Variants in PLCB1 observed in about 807,000 individuals in gnomAD.
PLCB1 encodes the protein 1-phosphatidylinositol 4,5-bisphosphate phosphodiesterase beta-1.
In PLCB1, 46 loss-of-function variants were observed where a neutral mutation model predicts 161.8. The observed-to-expected ratio is 0.28, with a 90% confidence interval of 0.22 to 0.36. The LOEUF (loss-of-function observed/expected upper bound fraction) is 0.36. Among genes scored for constraint, PLCB1 ranks in the 10% least tolerant of loss-of-function variants. PLCB1 has a pLI of 1.00. For synonymous variants in PLCB1, 517 were observed against 503.7 expected, an observed-to-expected ratio of 1.03 and a Z score of -0.35; for missense variants, 1,016 against 1,472.5, an observed-to-expected ratio of 0.69 and a Z score of 5.07.
At chr20:8,843,601 A>G (rs1265865767) in intron 31 of PLCB1, among the ~76,000 whole-genome samples, 1 of 152,052 alleles carries the variant, frequency 6.6e-6, no homozygotes, top group East Asian at 1.9e-4. Flanking sequence ...ACATGTGTTC[A>G]TCATAAATGA....
chr20:8,645,523 G>C (rs1037435077), intron 4 of PLCB1, among the ~76,000 whole-genome samples: 1 of 152,120 alleles, frequency 6.6e-6, no homozygotes. Flanking sequence ...TGGAAGCCTA[G>C]TGAGATCATT....
chr20:8,718,513 C>T lies in PLCB1; in HGVS notation c.1513+665C>T, dbSNP rs376607214. ...CACATTCGTTGGCTTGGGGCTCCTT[C>T]CAGCTTCAAAGCCAGCAAGGCTGCA... On this transcript the variant is annotated intron_variant, in intron 14 of 31. Transcript: ENST00000338037. 4.1e-4 allele frequency among the ~76,000 whole-genome samples: 62 copies of T among 152,320 alleles called. 1 individual carries two copies. The East Asian group carries it at 7.9e-3, about 19-fold the overall frequency.
chr20:8,512,215 T>A (rs141076127), intron 3 of PLCB1, among the ~76,000 whole-genome samples: 1,578 of 152,336 alleles, frequency 0.01, 7 homozygotes, highest in Non-Finnish European at 0.015. Context: ...TCACTTTTAG[T>A]ACGTTCTGAT....
chr20:8,832,682 C>G (rs951909804), intron 31 of PLCB1, among the ~76,000 whole-genome samples: 1 of 152,192 alleles, frequency 6.6e-6, no homozygotes, highest in Non-Finnish European at 1.5e-5. Flanking sequence ...GAATCAGAAT[C>G]GAAAGCCTGG....
chr20:8,365,356 C>G (rs920812404), intron 2 of PLCB1, among the ~76,000 whole-genome samples: 1 of 152,192 alleles, frequency 6.6e-6, no homozygotes, highest in Non-Finnish European at 1.5e-5. Flanking sequence ...TCATCTTTCT[C>G]TTTTCTCTGC....
At chr20:8,269,680 G>C (rs753326249) in intron 2 of PLCB1, among the ~76,000 whole-genome samples, 1 of 152,016 alleles carries the variant, frequency 6.6e-6, no homozygotes, top group East Asian at 1.9e-4. Flanking sequence ...CGTAAGTTTT[G>C]TATCTCTATC....
intron 2 of PLCB1, among the ~76,000 whole-genome samples, chr20:8,282,658 G>A (rs1982924939): frequency 6.6e-6 from 1 of 152,088 alleles, no homozygotes; most frequent in Non-Finnish European, 1.5e-5. Context: ...TAAAAAATAA[G>A]CATGCAAAGC....
chr20:8,635,202 G>T (rs546751850), intron 4 of PLCB1, among the ~76,000 whole-genome samples: 5 of 152,068 alleles, frequency 3.3e-5, no homozygotes, highest in African/African-American at 1.2e-4. Context: ...TCTGTTTTGT[G>T]TTCCCAGGAT....
intron 31 of PLCB1, among the ~76,000 whole-genome samples, chr20:8,849,500 A>C (rs1986812842): frequency 6.6e-6 from 1 of 151,420 alleles, no homozygotes; most frequent in African/African-American, 2.4e-5. Context: ...ACATGGCAAA[A>C]CCCCATCTCT....
At chr20:8,785,884 GA>G (rs1983459455) in intron 27 of PLCB1, among the ~76,000 whole-genome samples, 1 of 152,118 alleles carries the variant, frequency 6.6e-6, no homozygotes, top group Admixed American at 6.6e-5. Context: ...ATGGAAACAG[GA>G]ATATAATTGT....
At chr20:8,215,381 G>A (rs906121453) in intron 2 of PLCB1, among the ~76,000 whole-genome samples, 2 of 152,040 alleles carry the variant, frequency 1.3e-5, no homozygotes, top group African/African-American at 4.8e-5. Context: ...TGCTTGGGGA[G>A]CATCTTTGTA....
intron 3 of PLCB1, among the ~76,000 whole-genome samples, chr20:8,559,166 A>T (rs1347791895): frequency 6.6e-6 from 1 of 151,944 alleles, no homozygotes; most frequent in African/African-American, 2.4e-5. Flanking sequence ...ATGTATAAAG[A>T]TATAGTCTGT....
At chr20:8,394,810 C>T (rs1364704931) in intron 3 of PLCB1, among the ~76,000 whole-genome samples, 1 of 152,070 alleles carries the variant, frequency 6.6e-6, no homozygotes, top group Admixed American at 6.6e-5. Context: ...TTGCATTTGC[C>T]ATCTATAGTA....
At chr20:8,850,762 G>C (rs1368285214) in intron 31 of PLCB1, among the ~76,000 whole-genome samples, 1 of 152,102 alleles carries the variant, frequency 6.6e-6, no homozygotes, top group African/African-American at 2.4e-5. Context: ...CAAATCTTCT[G>C]GTGCCATGGT....
At chr20:8,474,094 C>T (rs1982167696) in intron 3 of PLCB1, among the ~76,000 whole-genome samples, 1 of 152,116 alleles carries the variant, frequency 6.6e-6, no homozygotes, top group Admixed American at 6.5e-5. Context: ...CGTTCCCATG[C>T]CCCAGTGGCA....
At chr20:8,533,308 A>C (rs952285160) in intron 3 of PLCB1, among the ~76,000 whole-genome samples, 1 of 150,944 alleles carries the variant, frequency 6.6e-6, no homozygotes. Flanking sequence ...ATTGTGAATA[A>C]TGCCGCAATA....
In PLCB1 at chr20:8,804,758, G is replaced by A. The variant is rs1277485279; in HGVS notation, c.3423+14497G>A. Among the ~76,000 whole-genome samples the A allele has an allele frequency of 2.0e-5, 3 of 152,102 alleles. No individual in the cohort carries two copies. In the East Asian group the frequency reaches 5.8e-4, roughly 29 times the overall value. Reference sequence around the variant, plus strand: ...TAATCTCAGCACTTTGGGAGGCCGAGGTGGATGGATCACCTGAGGTCAGAA... The same window carrying A: ...TAATCTCAGCACTTTGGGAGGCCGAAGTGGATGGATCACCTGAGGTCAGAA... On this transcript the variant is annotated intron_variant, in intron 31 of 31. Coordinates refer to ENST00000338037, the MANE Select transcript of PLCB1 (RefSeq NM_015192.4).
At chr20:8,839,768 G>T (rs1986426081) in intron 31 of PLCB1, among the ~76,000 whole-genome samples, 1 of 151,216 alleles carries the variant, frequency 6.6e-6, no homozygotes, top group South Asian at 2.1e-4. Context: ...GGCCAGGTGC[G>T]GTGGCTCACG....
intron 31 of PLCB1, among the ~76,000 whole-genome samples, chr20:8,825,306 T>A (rs541127730): frequency 9.2e-5 from 14 of 152,290 alleles, no homozygotes; most frequent in African/African-American, 3.4e-4. Context: ...AAACCCAGAC[T>A]GGTCTGAGCA....
Sources: allele counts gnomAD v4.1 joint callset (sites outside exome capture counted in the v4.1 genomes callset), GRCh38; gene constraint gnomAD v4.1.1; transcripts MANE v1.5; gene names NCBI Gene and HGNC (gene_info 2026-07-23, HGNC 2026-07-21).